RTF1: variants seen among roughly 807,000 people sequenced by gnomAD.
RTF1 encodes the protein RTF1 homolog, Paf1/RNA polymerase II complex component.
Under a neutral mutation model 95.7 loss-of-function variants are expected in RTF1, and 10 were observed. The ratio of observed to expected loss-of-function variants is 0.10; its 90% confidence interval spans 0.06 to 0.18. The LOEUF is 0.18. RTF1 is among the 10% of genes least tolerant of loss of function. The probability of loss-of-function intolerance (pLI) is 1.00; values close to 1 mark genes in which losing one functional copy is unlikely to be tolerated. For missense variants in RTF1, 458 were observed against 875.6 expected (o/e 0.52, Z 6.02); for synonymous variants, 305 against 311.8 (o/e 0.98, Z 0.23).
At chr15:41,417,584 G>C (rs1394273950) in intron 1 of RTF1, among the ~76,000 whole-genome samples, 3 of 152,206 alleles carry the variant, frequency 2.0e-5, no homozygotes, top group Non-Finnish European at 4.4e-5. Context: ...CGGGGGTAGC[G>C]AAAGGGGCCG....
chr15:41,424,921 A>T (rs1342674781), intron 1 of RTF1, among the ~76,000 whole-genome samples: 3 of 151,850 alleles, frequency 2.0e-5, no homozygotes, highest in Non-Finnish European at 2.9e-5. Context: ...AGGCATGAGA[A>T]TCCCTTGAAC....
chr15:41,433,347 C>A (rs1366927938), intron 1 of RTF1, among the ~76,000 whole-genome samples: 1 of 151,736 alleles, frequency 6.6e-6, no homozygotes, highest in African/African-American at 2.4e-5. Flanking sequence ...TCTTTTTTGC[C>A]TTTTTGAGAC....
chr15:41,442,527 C>T lies in RTF1; in HGVS notation c.309+4096C>T, dbSNP rs868224928. ...ACTGAAGTAGTTTGCTATGTCTTCT[C>T]GTTTCTTCAACTTTTGTGTCTTTAA... On this transcript the variant is annotated intron_variant, in intron 2 of 17. Coordinates refer to ENST00000389629, the MANE Select transcript of RTF1 (RefSeq NM_015138.5). Among the ~76,000 whole-genome samples, 5 of 151,884 alleles carry T rather than the reference C, an allele frequency of 3.3e-5. No individual in the cohort carries two copies. In the East Asian group the frequency reaches 5.8e-4, roughly 18 times the overall value.
chr15:41,483,072 A>G lies in RTF1; in HGVS notation c.*2385A>G, dbSNP rs1225173559. On this transcript the variant is annotated 3_prime_UTR_variant, in exon 18 of 18. Transcript: ENST00000389629. The stretch of plus-strand genomic sequence containing the variant: ...ATGCACACAGCAGGGAGAAAAGCCA[A>G]CCAAAGAAGACCGAAGGGTATCTTT... The G allele has an allele frequency of 6.5e-6, 1 of 152,768 alleles. No homozygotes were observed. Among genetic ancestry groups the G allele is most frequent in the Non-Finnish European group, 1.5e-5 (1 of 68,050 alleles). The allele number at this position is 152,768 out of a possible 1,614,324, so 9.5% of individuals were successfully genotyped here. A position where few individuals can be genotyped will look rare whatever the true frequency, so the allele number is the denominator to read the frequency against.
intron 3 of RTF1, among the ~76,000 whole-genome samples, chr15:41,453,951 C>T (rs957135809): frequency 1.3e-5 from 2 of 152,054 alleles, no homozygotes; most frequent in Non-Finnish European, 2.9e-5. Flanking sequence ...AAGGGCAGTT[C>T]CTGTTAAATT....
chr15:41,479,932 C>T (rs1311358495), intron 16 of RTF1, among the ~76,000 whole-genome samples: 3 of 151,932 alleles, frequency 2.0e-5, no homozygotes, highest in Admixed American at 6.6e-5. Context: ...TAACTGGTCT[C>T]AGGATTTCTG....
rs927529355 is a variant in RTF1 at position 41,477,888 on chromosome 15, C to T, written c.1740+373C>T. ...TGGGAGGCCGAGGCGGGTGGATCAC[C>T]TGGGGTCAGGAGTTTGAAACCAGCC... On this transcript the variant is annotated intron_variant, in intron 14 of 17. Coordinates refer to ENST00000389629, the MANE Select transcript of RTF1 (RefSeq NM_015138.5). Among the ~76,000 whole-genome samples, 48 of 152,024 alleles carry T rather than the reference C, an allele frequency of 3.2e-4. 1 individual carries two copies. The highest frequency in any genetic ancestry group is 4.4e-5 in the Non-Finnish European group (3 of 67,972).
At chr15:41,456,322 T>TA (rs749826223) in intron 3 of RTF1, among the ~76,000 whole-genome samples, 74 of 148,890 alleles carry the variant, frequency 5.0e-4, no homozygotes, top group East Asian at 4.0e-4. Context: ...CCATCTCTAT[T>TA]AAAAAAATAC....
chr15:41,466,010 C>A, intron 5 of RTF1, 131 bp from the exon 6 acceptor site: 1 of 545,330 alleles, frequency 1.8e-6, no homozygotes, highest in Non-Finnish European at 3.2e-6. Context: ...GCTCTCTCCC[C>A]TTACATAAAA....
At chr15:41,439,031 A>AT (rs2050719361) in intron 2 of RTF1, among the ~76,000 whole-genome samples, 1 of 65,272 alleles carries the variant, frequency 1.5e-5, no homozygotes, top group Non-Finnish European at 3.2e-5. Flanking sequence ...TTTTTCTTTT[A>AT]TTTTCTTTTT....
chr15:41,428,844 G>A (rs7167729), intron 1 of RTF1, among the ~76,000 whole-genome samples: 52,080 of 151,808 alleles, frequency 0.34, 9,097 homozygotes, highest in African/African-American at 0.4. Context: ...GGCCCAACCA[G>A]TTCTCCCACA....
At chr15:41,435,449 A>G (rs1044446425) in intron 1 of RTF1, among the ~76,000 whole-genome samples, 3 of 151,940 alleles carry the variant, frequency 2.0e-5, no homozygotes, top group Non-Finnish European at 4.4e-5. Context: ...TGTTGGGATT[A>G]CAGGTGTAGA....
At chr15:41,473,185 G>A (rs915232633) in intron 8 of RTF1, among the ~76,000 whole-genome samples, 2 of 151,880 alleles carry the variant, frequency 1.3e-5, no homozygotes, top group Non-Finnish European at 2.9e-5. Flanking sequence ...CCAGGCTGGA[G>A]TGCAGTGGCG....
At chr15:41,435,194 A>C (rs2050695659) in intron 1 of RTF1, among the ~76,000 whole-genome samples, 1 of 152,020 alleles carries the variant, frequency 6.6e-6, no homozygotes. Context: ...GTATTTGTGA[A>C]CCTGAAGGAG....
At chr15:41,470,173 C>T (rs963348605) in intron 6 of RTF1, 84 bp from the exon 7 acceptor site, 14 of 1,449,866 alleles carry the variant, frequency 9.7e-6, no homozygotes, top group Non-Finnish European at 1.2e-5. Flanking sequence ...TATTTGAGTC[C>T]TCTTCCATTT....
Position 41,459,551 on chromosome 15 carries a change from T to G in RTF1, c.662+1675T>G, listed in dbSNP as rs74712250. Among the ~76,000 whole-genome samples the G allele has an allele frequency of 7.5e-3, 1,136 of 152,288 alleles. 10 individuals carry two copies. The highest frequency in any genetic ancestry group is 0.012 in the Non-Finnish European group (784 of 68,022). ...GAACACATCAAATGATATGTAAAAA[T>G]TAAATGAACAAATGGTGTTTTAAAG... On this transcript the variant is annotated intron_variant, in intron 4 of 17. Coordinates refer to ENST00000389629, the MANE Select transcript of RTF1 (RefSeq NM_015138.5).
intron 1 of RTF1, among the ~76,000 whole-genome samples, chr15:41,425,546 G>C (rs1343626904): frequency 1.3e-5 from 2 of 152,156 alleles, no homozygotes; most frequent in African/African-American, 4.8e-5. Flanking sequence ...GGACACTAAT[G>C]AAGTGGCAGA....
At chr15:41,419,655 C>G (rs908277026) in intron 1 of RTF1, among the ~76,000 whole-genome samples, 1 of 152,194 alleles carries the variant, frequency 6.6e-6, no homozygotes, top group Non-Finnish European at 1.5e-5. Context: ...CTCAAGACAT[C>G]TGTTCAAGTG....
At chr15:41,424,263 G>A (rs924959417) in intron 1 of RTF1, among the ~76,000 whole-genome samples, 3 of 152,130 alleles carry the variant, frequency 2.0e-5, no homozygotes, top group Non-Finnish European at 4.4e-5. Flanking sequence ...TATTAACCAG[G>A]GACCCTATTC....
Sources: gnomAD v4.1 joint callset for allele counts (sites outside exome capture counted in the v4.1 genomes callset) on GRCh38, gnomAD v4.1.1 for gene constraint, MANE v1.5 for transcripts, NCBI Gene and HGNC (gene_info 2026-07-23, HGNC 2026-07-21) for gene names.